PDE10A: variants seen among roughly 807,000 people sequenced by gnomAD.
PDE10A encodes the protein phosphodiesterase 10A.
A neutral mutation model predicts 97.7 loss-of-function variants in PDE10A; 39 were observed. The ratio of observed to expected loss-of-function variants is 0.40; its 90% CI spans 0.31 to 0.52. The LOEUF is 0.52. Among genes scored for constraint, PDE10A ranks in the 20% least tolerant of loss-of-function variants. The pLI, the probability that PDE10A is intolerant of heterozygous loss-of-function variation, is 0.56. For synonymous variants in PDE10A, 371 were observed against 376.8 expected, an observed-to-expected ratio of 0.98 and a Z score of 0.18; for missense variants, 731 against 1,047.8, an observed-to-expected ratio of 0.70 and a Z score of 4.17.
intron 1 of PDE10A, among the ~76,000 whole-genome samples, chr6:165,813,936 T>C (rs1296596442): frequency 6.6e-6 from 1 of 152,188 alleles, no homozygotes; most frequent in Non-Finnish European, 1.5e-5. Flanking sequence ...AAGGATTCTT[T>C]GGGCAAATGC....
intron 1 of PDE10A, among the ~76,000 whole-genome samples, chr6:165,764,541 G>GATGCTCGGAT (rs59814378): frequency 0.99 from 149,648 of 151,868 alleles, 73,764 homozygotes; most frequent in Middle Eastern, 1. Flanking sequence ...TGTTCCTTCT[G>GATGCTCGGAT]GTGTTCGGAG....
At chr6:165,679,651 G>A (rs1464132210) in intron 1 of PDE10A, among the ~76,000 whole-genome samples, 1 of 152,202 alleles carries the variant, frequency 6.6e-6, no homozygotes, top group Non-Finnish European at 1.5e-5. Context: ...AATAGATACA[G>A]TTGAGCCCAT....
chr6:165,827,148 T>C (rs1562756625), intron 1 of PDE10A, among the ~76,000 whole-genome samples: 1 of 152,280 alleles, frequency 6.6e-6, no homozygotes, highest in Non-Finnish European at 1.5e-5. Flanking sequence ...GTCTAGACGC[T>C]TCCCCTCTTG....
intron 1 of PDE10A, among the ~76,000 whole-genome samples, chr6:165,566,597 C>T (rs555739923): frequency 3.3e-5 from 5 of 152,034 alleles, no homozygotes; most frequent in Non-Finnish European, 5.9e-5. Context: ...AATTACACTG[C>T]GGAACATGAT....
chr6:165,832,662 G>A (rs539030477), intron 1 of PDE10A, among the ~76,000 whole-genome samples: 1 of 152,294 alleles, frequency 6.6e-6, no homozygotes, highest in East Asian at 1.9e-4. Context: ...CCGTTTCCTC[G>A]GTGTGGATGA....
At chr6:165,448,585 G>C (rs144795654) in intron 5 of PDE10A, among the ~76,000 whole-genome samples, 84 of 152,274 alleles carry the variant, frequency 5.5e-4, no homozygotes, top group Middle Eastern at 3.4e-3. Context: ...TAGATCATGT[G>C]TAGAGAGGGT....
intron 1 of PDE10A, among the ~76,000 whole-genome samples, chr6:165,767,536 G>C (rs1937165885): frequency 6.6e-6 from 1 of 152,188 alleles, no homozygotes; most frequent in Non-Finnish European, 1.5e-5. Context: ...GTAGAATCAA[G>C]CAATGTGTGG....
intron 1 of PDE10A, among the ~76,000 whole-genome samples, chr6:165,595,308 A>G (rs1015223232): frequency 2.6e-5 from 4 of 152,356 alleles, no homozygotes; most frequent in Non-Finnish European, 4.4e-5. Flanking sequence ...TCACTGTTAC[A>G]GAAAAGATGG....
At chr6:165,830,410 A>G (rs545688216) in intron 1 of PDE10A, among the ~76,000 whole-genome samples, 2 of 152,250 alleles carry the variant, frequency 1.3e-5, no homozygotes, top group African/African-American at 4.8e-5. Context: ...AATACATTCC[A>G]AAGCCAGGCT....
intron 1 of PDE10A, among the ~76,000 whole-genome samples, chr6:165,624,413 C>T (rs1295969988): frequency 3.9e-5 from 6 of 152,208 alleles, no homozygotes; most frequent in Non-Finnish European, 5.9e-5. Context: ...CACTGTTAGA[C>T]GTTTAAGACT....
chr6:165,943,238 G>GAAA (rs1562809824), intron 1 of PDE10A, among the ~76,000 whole-genome samples: 40 of 38,796 alleles, frequency 1.0e-3, no homozygotes, highest in South Asian at 4.5e-3. Context: ...AAAGAAAGAA[G>GAAA]GAAGGAAGGA....
At chr6:165,825,171 A>G (rs917427311) in intron 1 of PDE10A, among the ~76,000 whole-genome samples, 3 of 9,566 alleles carry the variant, frequency 3.1e-4, no homozygotes, top group African/African-American at 6.6e-4. Flanking sequence ...AAGAAAAAGA[A>G]AAAAAAAGAA....
intron 13 of PDE10A, among the ~76,000 whole-genome samples, chr6:165,406,739 G>A (rs1756130203): frequency 6.6e-6 from 1 of 152,084 alleles, no homozygotes; most frequent in South Asian, 2.1e-4. Context: ...CACTGAGTAG[G>A]GAAGACCTGC....
Position 165,619,544 on chromosome 6 carries a change from G to GTAGTGTAGTCTAATGTAGTT in PDE10A, c.865+42402_865+42403insAACTACATTAGACTACACTA, listed in dbSNP as rs1788000953. ...GTAGTGTAGTGTAGTCTAATGTAGT[G>GTAGTGTAGTCTAATGTAGTT]TAGTGTAGTCTAGTGTAGTATACTG... On this transcript the variant is annotated intron_variant, in intron 1 of 21. Coordinates refer to ENST00000539869, the MANE Select transcript of PDE10A (RefSeq NM_001385079.1). Among the ~76,000 whole-genome samples the GTAGTGTAGTCTAATGTAGTT allele has an allele frequency of 8.7e-5, 12 of 138,254 alleles. 2 individuals carry two copies. The highest frequency in any genetic ancestry group is 1.9e-4 in the Non-Finnish European group (12 of 64,200). The allele number at this position is 138,254 out of a possible 152,430, so 90.7% of individuals were successfully genotyped here. A position where few individuals can be genotyped will look rare whatever the true frequency, so the allele number is the denominator to read the frequency against.
chr6:165,622,819 C>T (rs867976116), intron 1 of PDE10A, among the ~76,000 whole-genome samples: 13 of 152,320 alleles, frequency 8.5e-5, no homozygotes, highest in Middle Eastern at 3.4e-3. Context: ...AAATCTCATG[C>T]TGAATTGTAA....
At chr6:165,708,507 CG>C (rs1791778755) in intron 1 of PDE10A, among the ~76,000 whole-genome samples, 1 of 151,920 alleles carries the variant, frequency 6.6e-6, no homozygotes, top group Admixed American at 6.5e-5. Context: ...TATCAGGCTC[CG>C]CACTCTCAGC....
chr6:165,357,264 A>G (rs1401021940), intron 18 of PDE10A, among the ~76,000 whole-genome samples: 1 of 152,124 alleles, frequency 6.6e-6, no homozygotes. Context: ...AACATGTTAT[A>G]TTTTGTTATG....
intron 2 of PDE10A, among the ~76,000 whole-genome samples, chr6:165,502,469 C>T (rs903254925): frequency 2.0e-5 from 3 of 152,156 alleles, no homozygotes; most frequent in African/African-American, 7.2e-5. Context: ...AGATTCTTCA[C>T]AAATGATGAT....
rs140404389 is a variant in PDE10A, at chr6:165,514,235, C to T, written c.994+29205G>A. Among the ~76,000 whole-genome samples the T allele has an allele frequency of 7.9e-5, 12 of 152,276 alleles. No individual in the cohort carries two copies. In the East Asian group the frequency reaches 2.1e-3, roughly 27 times the overall value. ...ATTTATGTTCATGAACAACATTTATCGGTGCTTTTCTTGTGATACCTTAGT... is the reference window on the plus strand; with the variant it reads ...ATTTATGTTCATGAACAACATTTATTGGTGCTTTTCTTGTGATACCTTAGT... On this transcript the variant is annotated intron_variant, in intron 2 of 21. Transcript: ENST00000539869.
Sources: allele counts gnomAD v4.1 joint callset (sites outside exome capture counted in the v4.1 genomes callset), GRCh38; gene constraint gnomAD v4.1.1; transcripts MANE v1.5; gene names NCBI Gene and HGNC (gene_info 2026-07-23, HGNC 2026-07-21).